ESRRG: variants seen among roughly 807,000 people sequenced by gnomAD.
The protein encoded by ESRRG is estrogen related receptor gamma.
In ESRRG, 13 loss-of-function variants were observed where a neutral mutation model predicts 44.0. The ratio of observed to expected loss-of-function variants is 0.30; its 90% CI spans 0.19 to 0.47. ESRRG has a LOEUF of 0.47. ESRRG is among the 20% of genes least tolerant of loss of function. The pLI is 1.00. For missense variants in ESRRG, 395 were observed against 580.6 expected (o/e 0.68, Z 3.29); for synonymous variants, 215 against 214.6 (o/e 1.00, Z -0.02).
At chr1:216,809,504 C>T (rs2094904009) in intron 2 of ESRRG, among the ~76,000 whole-genome samples, 1 of 152,106 alleles carries the variant, frequency 6.6e-6, no homozygotes, top group South Asian at 2.1e-4. Context: ...GTGATAGCAA[C>T]ATTTTTATGC....
chr1:217,040,226 A>G (rs775609967), intron 1 of ESRRG, among the ~76,000 whole-genome samples: 7 of 152,172 alleles, frequency 4.6e-5, no homozygotes, highest in Non-Finnish European at 7.3e-5. Flanking sequence ...TTAGACGGTA[A>G]GAAAATAGGT....
intron 5 of ESRRG, among the ~76,000 whole-genome samples, chr1:216,544,734 T>A (rs2149310734): frequency 7.3e-6 from 1 of 137,300 alleles, no homozygotes; most frequent in East Asian, 2.0e-4. Context: ...GAAAAAACAC[T>A]GTTTGTTTTG....
chr1:216,974,167 T>C (rs990258628), intron 1 of ESRRG, among the ~76,000 whole-genome samples: 2 of 152,212 alleles, frequency 1.3e-5, no homozygotes, highest in Non-Finnish European at 2.9e-5. Context: ...AAAGTCTTGC[T>C]AATTAGAAAG....
In ESRRG at chr1:217,049,469, A is replaced by G. The variant is rs11117761; in HGVS notation, c.-106+40038T>C. Among the ~76,000 whole-genome samples, 258 of 152,302 alleles carry G rather than the reference A, an allele frequency of 1.7e-3. 6 individuals are homozygous for G. In the East Asian group the frequency reaches 0.046, roughly 27 times the overall value. ...TGAAGACCAAAGCATAACTAAAAGT[A>G]GTAAAGCTTCTTGGAAAAGAGAAGA... On this transcript the variant is annotated intron_variant, in intron 1 of 7. Coordinates refer to the ESRRG transcript ENST00000359162.
chr1:216,936,558 A>G (rs2064180743), intron 2 of ESRRG: 1 of 152,124 alleles, frequency 6.6e-6, no homozygotes. Context: ...GCCAGACCAT[A>G]TACTTACTTT....
At chr1:216,678,729 A>G (rs1193069860) in intron 1 of ESRRG, among the ~76,000 whole-genome samples, 1 of 152,222 alleles carries the variant, frequency 6.6e-6, no homozygotes, top group African/African-American at 2.4e-5. Context: ...TACAGAAAGA[A>G]GAGGTGACAG....
intron 2 of ESRRG, among the ~76,000 whole-genome samples, chr1:216,736,176 ATTTTTT>A (rs34469625): frequency 0.013 from 1,091 of 82,700 alleles, 12 homozygotes; most frequent in African/African-American, 0.051. Flanking sequence ...GTTAAGGACT[ATTTTTT>A]TTTTTTTTTT....
At chr1:217,111,059 T>C (rs1327343383) in intron 1 of ESRRG, among the ~76,000 whole-genome samples, 21 of 152,172 alleles carry the variant, frequency 1.4e-4, no homozygotes, top group Non-Finnish European at 3.1e-4. Flanking sequence ...TGTTTTTAAT[T>C]GTTTGCTCCA....
chr1:217,085,418 C>T (rs1011073339), intron 1 of ESRRG, among the ~76,000 whole-genome samples: 6 of 144,462 alleles, frequency 4.2e-5, no homozygotes, highest in Non-Finnish European at 6.0e-5. Context: ...AGATTAGGTT[C>T]AAAATTATCT....
At chr1:217,122,759 C>G (rs759209989) in intron 1 of ESRRG, among the ~76,000 whole-genome samples, 28 of 151,176 alleles carry the variant, frequency 1.9e-4, no homozygotes, top group Admixed American at 3.3e-4. Context: ...CAACCTCCGC[C>G]TCCTGAGTTC....
chr1:217,128,022 C>T (rs889162513), intron 1 of ESRRG, among the ~76,000 whole-genome samples: 2 of 152,152 alleles, frequency 1.3e-5, no homozygotes, highest in African/African-American at 2.4e-5. Flanking sequence ...CACATGTGCT[C>T]GCTGGCCACG....
chr1:216,906,131 A>G (rs1004843557), intron 2 of ESRRG, among the ~76,000 whole-genome samples: 1 of 152,216 alleles, frequency 6.6e-6, no homozygotes, highest in African/African-American at 2.4e-5. Context: ...TTAACAAAAC[A>G]TACTTTCTTA....
At chr1:217,034,696 G>A (rs751161824) in intron 1 of ESRRG, among the ~76,000 whole-genome samples, 8 of 152,200 alleles carry the variant, frequency 5.3e-5, no homozygotes, top group Non-Finnish European at 1.2e-4. Flanking sequence ...AAGCATGGGA[G>A]CAGGTAGGGC....
intron 2 of ESRRG, among the ~76,000 whole-genome samples, chr1:216,884,188 G>C (rs2096487448): frequency 6.6e-6 from 1 of 152,120 alleles, no homozygotes; most frequent in South Asian, 2.1e-4. Flanking sequence ...TGTCAATTTG[G>C]TTTTACACTG....
intron 2 of ESRRG, among the ~76,000 whole-genome samples, chr1:216,892,688 C>T (rs1023433903): frequency 3.9e-5 from 6 of 152,076 alleles, no homozygotes; most frequent in Admixed American, 1.3e-4. Context: ...TTAAATTCAG[C>T]GAAAGGACGA....
intron 1 of ESRRG, among the ~76,000 whole-genome samples, chr1:216,959,961 A>G (rs1423158865): frequency 6.6e-6 from 1 of 152,156 alleles, no homozygotes; most frequent in East Asian, 1.9e-4. Flanking sequence ...TTTACAGATA[A>G]GAACATTGAG....
intron 2 of ESRRG, among the ~76,000 whole-genome samples, chr1:216,926,703 T>G (rs2149777896): frequency 6.6e-6 from 1 of 152,322 alleles, no homozygotes; most frequent in Middle Eastern, 3.4e-3. Flanking sequence ...TTTCACTTAA[T>G]GCTGAGGACA....
intron 2 of ESRRG, among the ~76,000 whole-genome samples, chr1:216,664,448 T>C (rs548511932): frequency 2.0e-5 from 3 of 150,236 alleles, no homozygotes; most frequent in South Asian, 2.1e-4. Context: ...TAAATTAAAC[T>C]AATATATTTA....
At chr1:216,926,820 T>G (rs1176441889) in intron 2 of ESRRG, among the ~76,000 whole-genome samples, 1 of 152,156 alleles carries the variant, frequency 6.6e-6, no homozygotes, top group East Asian at 1.9e-4. Flanking sequence ...GAAGGAAGCT[T>G]TCATCCGGTC....
Sources: allele counts gnomAD v4.1 joint callset (sites outside exome capture counted in the v4.1 genomes callset), GRCh38; gene constraint gnomAD v4.1.1; transcripts MANE v1.5; gene names NCBI Gene and HGNC (gene_info 2026-07-23, HGNC 2026-07-21).